PCDHGB5: variants seen among roughly 807,000 people sequenced by gnomAD.
The protein encoded by PCDHGB5 is protocadherin gamma-B5.
In PCDHGB5, 48 loss-of-function variants were observed where a neutral mutation model predicts 62.9. That is an observed-to-expected ratio of 0.76 (90% CI 0.61 to 0.97). The LOEUF is 0.97. Ranked by LOEUF, PCDHGB5 falls within the 50% of genes least tolerant of loss-of-function variation. The pLI, the probability that PCDHGB5 is intolerant of heterozygous loss-of-function variation, is 0.00. For missense variants in PCDHGB5, 1,118 were observed against 1,198.6 expected (o/e 0.93, Z 0.99); for synonymous variants, 474 against 511.2 (o/e 0.93, Z 0.98).
chr5:141,399,937 G>A lies in PCDHGB5; in HGVS notation c.1810G>A (p.Val604Met). 1.9e-6 allele frequency: 3 copies of A among 1,612,360 alleles called. No individual in the cohort carries two copies. The highest frequency in any genetic ancestry group is 2.5e-6 in the Non-Finnish European group (3 of 1,179,744). The part of the protein sequence containing the change: ...SGHNAWLSYH[V>M]LQASEPGLFS... ...ACACAACGCCTGGCTGTCCTACCAC[G>A]TGCTGCAGGCTAGCGAGCCCGGGCT... The change falls in exon 1 of 4, where the codon GTG becomes ATG. Residue 604 changes from valine (V) to methionine (M), a missense_variant. Physicochemically the swap from Val to Met is conservative, Grantham distance 21. This residue lies in a region of PCDHGB5 where 1,034 missense variants were observed against 1,029.1 expected (regional missense o/e 1.00). Transcript: ENST00000617380.
At chr5:141,496,617 A>G (rs2099769939) in intron 2 of PCDHGB5, among the ~76,000 whole-genome samples, 2 of 152,236 alleles carry the variant, frequency 1.3e-5, no homozygotes, top group Admixed American at 1.3e-4. Flanking sequence ...AAAAAGCAGC[A>G]GATCAAAAGG....
chr5:141,410,024 G>T (rs771946302), intron 1 of PCDHGB5: 4 of 1,613,164 alleles, frequency 2.5e-6, no homozygotes, highest in Non-Finnish European at 3.4e-6. Flanking sequence ...GTCCTACCAC[G>T]TGCTGCAGGC....
intron 1 of PCDHGB5, chr5:141,415,704 T>G: frequency 7.4e-7 from 1 of 1,344,464 alleles, no homozygotes; most frequent in Non-Finnish European, 1.0e-6. Flanking sequence ...GTGTAAATGC[T>G]AAAACACTGA....
At chr5:141,472,849 G>C (rs966051912) in intron 1 of PCDHGB5, among the ~76,000 whole-genome samples, 1 of 151,340 alleles carries the variant, frequency 6.6e-6, no homozygotes, top group East Asian at 2.0e-4. Flanking sequence ...AGCTGGGCAT[G>C]GTGGCACATG....
Position 141,399,796 on chromosome 5 carries a change from C to A in PCDHGB5, c.1669C>A (p.Arg557=), listed in dbSNP as rs62621781. The change falls in exon 1 of 4, where the codon CGG becomes AGG. Residue 557 remains arginine, a synonymous_variant. Transcript: ENST00000617380. ...LVGDRNDNAP[R]VLYPALGPDG... ...GGGCGACCGAAACGACAACGCACCG[C>A]GGGTGCTGTACCCCGCGCTGGGTCC... 6.2e-7 allele frequency: 1 copy of A among 1,613,212 alleles called. No individual in the cohort carries two copies.
intron 2 of PCDHGB5, among the ~76,000 whole-genome samples, chr5:141,501,838 G>A (rs888418141): frequency 6.6e-6 from 1 of 152,000 alleles, no homozygotes; most frequent in African/African-American, 2.4e-5. Flanking sequence ...CACCTGTTTG[G>A]CCCTCAACCT....
chr5:141,430,822 G>C lies in PCDHGB5; in HGVS notation c.2397+30298G>C, dbSNP rs752634890. 5.8e-6 allele frequency: 9 copies of C among 1,542,380 alleles called. No homozygotes were observed. The African/African-American group carries it at 1.1e-4, about 19-fold the overall frequency. On this transcript the variant is annotated intron_variant, in intron 1 of 3. Transcript: ENST00000617380. ...TTGTCCTGCTGGGAATCCTCCTGGGGACTCTGTGGGAGACCGGATGCACCC... is the reference window on the plus strand; with the variant it reads ...TTGTCCTGCTGGGAATCCTCCTGGGCACTCTGTGGGAGACCGGATGCACCC...
chr5:141,414,378 C>T lies in PCDHGB5; in HGVS notation c.2397+13854C>T, dbSNP rs958748519. ...ATCTACCATTTAAATTAGAAAAGTC[C>T]ATTGACAGTTATTACAGATTGGTGA... On this transcript the variant is annotated intron_variant, in intron 1 of 3. Coordinates refer to ENST00000617380, the MANE Select transcript of PCDHGB5 (RefSeq NM_018925.3). 3.1e-6 allele frequency: 5 copies of T among 1,613,736 alleles called. No individual in the cohort carries two copies. In the African/African-American group the frequency reaches 5.3e-5, roughly 17 times the overall value.
intron 1 of PCDHGB5, chr5:141,422,945 C>T (rs13188215): frequency 6.2e-7 from 1 of 1,614,134 alleles, no homozygotes; most frequent in Non-Finnish European, 8.5e-7. Context: ...ACAGACGGCT[C>T]CACTGGCGTG....
chr5:141,476,234 G>A lies in PCDHGB5; in HGVS notation c.2398-18573G>A. 6.2e-7 allele frequency: 1 copy of A among 1,614,070 alleles called. No individual in the cohort carries two copies. The highest frequency in any genetic ancestry group is 8.5e-7 in the Non-Finnish European group (1 of 1,180,014). On this transcript the variant is annotated intron_variant, in intron 1 of 3. Coordinates refer to ENST00000617380, the MANE Select transcript of PCDHGB5 (RefSeq NM_018925.3). The surrounding 1 kb of genome is among the most constrained non-coding windows in gnomAD (Gnocchi z 7.6). Reference sequence around the variant, plus strand: ...GGTCATTCACTATGAGATCCCGGAGGAAAGAGAGAAGGGTTTCGCTGTGGG... The same window carrying A: ...GGTCATTCACTATGAGATCCCGGAGAAAAGAGAGAAGGGTTTCGCTGTGGG...
At chr5:141,416,406 T>A (rs2096021956) in intron 1 of PCDHGB5, 1 of 152,224 alleles carries the variant, frequency 6.6e-6, no homozygotes, top group Admixed American at 6.5e-5. Context: ...TTGTCTTTTT[T>A]GTTAAATTTT....
chr5:141,481,445 T>C (rs760413279), intron 1 of PCDHGB5, among the ~76,000 whole-genome samples: 2 of 152,260 alleles, frequency 1.3e-5, no homozygotes, highest in Non-Finnish European at 2.9e-5. Context: ...GTTTAGTACA[T>C]GTAAATACAC....
chr5:141,510,986 G>A lies in PCDHGB5; in HGVS notation c.2585G>A (p.Gly862Asp), dbSNP rs754203270. The A allele has an allele frequency of 6.2e-7, 1 of 1,614,166 alleles. No individual in the cohort carries two copies. The highest frequency in any genetic ancestry group is 8.5e-7 in the Non-Finnish European group (1 of 1,180,012). The change falls in exon 4 of 4, where the codon GGC becomes GAC. Residue 862 changes from glycine to aspartate, a missense_variant. Physicochemically the swap from Gly to Asp is moderately conservative, Grantham distance 94. Around this residue, in one of 2 missense-constraint regions of PCDHGB5, gnomAD observed 1,034 missense variants for 1,029.1 expected, o/e 1.00. Transcript: ENST00000617380. ...DGSSTLGGGA[G>D]TMGLSARYGP... ...AGCTCCACCCTGGGAGGGGGTGCCG[G>A]CACCATGGGATTGAGCGCCCGCTAC... is the stretch of plus-strand genomic sequence containing the variant.
At position 141,477,146 on chromosome 5, in the gene PCDHGB5, G is replaced by A. The variant is rs1447966302; in HGVS notation, c.2398-17661G>A. The stretch of plus-strand genomic sequence containing the variant: ...TTGCAAAGTGTTGGTGGAGGTTGTG[G>A]ATGTGAATGACAACGCCCCGGAGAT... On this transcript the variant is annotated intron_variant, in intron 1 of 3. Coordinates refer to ENST00000617380, the MANE Select transcript of PCDHGB5 (RefSeq NM_018925.3). This position sits in a 1 kb window ranked among gnomAD's most constrained non-coding sequence, Gnocchi z 4.9. 1 of 1,614,182 alleles carries A rather than the reference G, an allele frequency of 6.2e-7. No homozygotes were observed. The highest frequency in any genetic ancestry group is 8.5e-7 in the Non-Finnish European group (1 of 1,180,044).
intron 1 of PCDHGB5, chr5:141,417,543 C>T: frequency 6.5e-6 from 2 of 307,994 alleles, no homozygotes; most frequent in Non-Finnish European, 1.2e-5. Flanking sequence ...AAAAAAAATT[C>T]CTTGAAAGAG....
chr5:141,440,535 G>C (rs1305958587), intron 1 of PCDHGB5: 1 of 152,154 alleles, frequency 6.6e-6, no homozygotes, highest in African/African-American at 2.4e-5. Flanking sequence ...CATGCACCAC[G>C]GTTCAGCAGG....
Position 141,490,397 on chromosome 5 carries a change from G to A in PCDHGB5, c.2398-4410G>A. 6.2e-7 allele frequency: 1 copy of A among 1,614,170 alleles called. No individual in the cohort carries two copies. Among genetic ancestry groups the A allele is most frequent in the South Asian group, 1.1e-5 (1 of 91,080 alleles). On this transcript the variant is annotated intron_variant, in intron 1 of 3. Coordinates refer to ENST00000617380, the MANE Select transcript of PCDHGB5 (RefSeq NM_018925.3). This position sits in a 1 kb window ranked among gnomAD's most constrained non-coding sequence, Gnocchi z 5.4. ...GACTCAGGTAGAAATGGTGAAGTGA[G>A]CCTTGATATCTCTCCGGACCTGCCA...
chr5:141,409,844 C>G (rs1380163040), intron 1 of PCDHGB5: 3 of 1,611,858 alleles, frequency 1.9e-6, no homozygotes, highest in East Asian at 4.5e-5. Flanking sequence ...CAACGTGAGC[C>G]TGCGCGTGTT....
At chr5:141,419,210 GTTT>G in intron 1 of PCDHGB5, 1 of 1,613,926 alleles carries the variant, frequency 6.2e-7, no homozygotes, top group East Asian at 2.2e-5. Flanking sequence ...CAACGCGCCG[GTTT>G]TCGGACAGTC....
Sources: gnomAD v4.1 joint callset for allele counts (sites outside exome capture counted in the v4.1 genomes callset) on GRCh38, gnomAD v4.1.1 for gene constraint, gnomAD v4.1.1 regional missense constraint, Gnocchi (gnomAD v3.1) non-coding constraint, MANE v1.5 for transcripts, NCBI Gene and HGNC (gene_info 2026-07-23, HGNC 2026-07-21) for gene names.